Variants in MACROD2 observed in about 807,000 individuals in gnomAD.
The protein encoded by MACROD2 is mono-ADP ribosylhydrolase 2.
Under a neutral mutation model 70.4 loss-of-function variants are expected in MACROD2, and 36 were observed. That is an observed-to-expected ratio of 0.51 (90% CI 0.39 to 0.68). MACROD2 has a LOEUF of 0.68. Among genes scored for constraint, MACROD2 ranks in the 30% least tolerant of loss-of-function variants. MACROD2 has a pLI of 0.00. For missense variants in MACROD2, 496 were observed against 538.4 expected, an observed-to-expected ratio of 0.92 and a Z score of 0.78; for synonymous variants, 172 against 178.8, an observed-to-expected ratio of 0.96 and a Z score of 0.30.
At chr20:14,191,088 G>A (rs1368096821) in intron 3 of MACROD2, among the ~76,000 whole-genome samples, 2 of 151,334 alleles carry the variant, frequency 1.3e-5, no homozygotes, top group Non-Finnish European at 3.0e-5. Context: ...CATTACATTC[G>A]TGTGCATACT....
chr20:15,410,215 C>A (rs1252505098), intron 6 of MACROD2, among the ~76,000 whole-genome samples: 1 of 152,142 alleles, frequency 6.6e-6, no homozygotes, highest in African/African-American at 2.4e-5. Context: ...GAATAAAAGC[C>A]TTACTCCACC....
chr20:15,976,532 G>A (rs1235353765), intron 13 of MACROD2, among the ~76,000 whole-genome samples: 1 of 152,214 alleles, frequency 6.6e-6, no homozygotes, highest in African/African-American at 2.4e-5. Flanking sequence ...AAAGCAGGAT[G>A]GAATGTGAAA....
intron 6 of MACROD2, among the ~76,000 whole-genome samples, chr20:15,384,670 A>G (rs1355659151): frequency 6.6e-6 from 1 of 152,154 alleles, no homozygotes; most frequent in Admixed American, 6.6e-5. Context: ...CAGGGCACAT[A>G]CTTATGAAAA....
chr20:14,526,269 T>A (rs1271967257), intron 4 of MACROD2, among the ~76,000 whole-genome samples: 1 of 152,160 alleles, frequency 6.6e-6, no homozygotes, highest in African/African-American at 2.4e-5. Flanking sequence ...TTCTTTTTTT[T>A]ATTTTTCAAT....
rs564091362 is a variant in MACROD2, at chr20:14,563,702, G to T, written c.301+70194G>T. The stretch of plus-strand genomic sequence containing the variant: ...TTTCTATTTGGTTCTTTTTTTATAA[G>T]TTCTATTTCTTTTCAAATAAATTCT... On this transcript the variant is annotated intron_variant, in intron 4 of 17. Coordinates refer to ENST00000684519, the MANE Select transcript of MACROD2 (RefSeq NM_001351661.2). Among the ~76,000 whole-genome samples the T allele has an allele frequency of 1.4e-3, 219 of 151,860 alleles. 1 individual carries two copies. Among genetic ancestry groups the T allele is most frequent in the Middle Eastern group, 3.4e-3 (1 of 294 alleles).
intron 7 of MACROD2, among the ~76,000 whole-genome samples, chr20:15,480,227 T>G (rs1239764807): frequency 6.6e-6 from 1 of 152,198 alleles, no homozygotes; most frequent in Non-Finnish European, 1.5e-5. Context: ...AAAACCAATG[T>G]GTCTCATAAT....
intron 5 of MACROD2, among the ~76,000 whole-genome samples, chr20:14,715,681 C>G (rs2071389488): frequency 6.6e-6 from 1 of 152,104 alleles, no homozygotes. Flanking sequence ...GCTCTCTGAG[C>G]CCTGGGAGAA....
Position 14,071,709 on chromosome 20 carries a change from C to T in MACROD2, c.164-13912C>T, listed in dbSNP as rs138123759. Among the ~76,000 whole-genome samples the T allele has an allele frequency of 3.9e-3, 592 of 152,272 alleles. 2 individuals carry two copies. Among genetic ancestry groups the T allele is most frequent in the Middle Eastern group, 0.014 (4 of 294 alleles). ...TCTCTACCTCATAAAATGAATCAAT[C>T]TATCTCTAATGTGGCTTATTGATGC... On this transcript the variant is annotated intron_variant, in intron 2 of 17. Transcript: ENST00000684519.
intron 13 of MACROD2, among the ~76,000 whole-genome samples, chr20:15,985,219 C>A (rs6043654): frequency 1.3e-5 from 2 of 151,854 alleles, no homozygotes; most frequent in East Asian, 3.9e-4. Flanking sequence ...TTTGTTTTTT[C>A]TCCTGAGACA....
chr20:15,511,660 A>G lies in MACROD2; in HGVS notation c.645+11813A>G, dbSNP rs185959322. Among the ~76,000 whole-genome samples the G allele has an allele frequency of 6.4e-4, 97 of 152,346 alleles. 1 individual carries two copies. The highest frequency in any genetic ancestry group is 7.4e-5 in the Non-Finnish European group (5 of 68,024). ...AACTCAGCTGTATATATTTTGCAAC[A>G]TAAATGTTGCCTGTTTGTAACCAGC... On this transcript the variant is annotated intron_variant, in intron 8 of 17. Transcript: ENST00000684519.
intron 8 of MACROD2, among the ~76,000 whole-genome samples, chr20:15,744,799 T>C (rs918420685): frequency 6.6e-6 from 1 of 152,104 alleles, no homozygotes; most frequent in African/African-American, 2.4e-5. Flanking sequence ...GTGTGAATCC[T>C]TGGTTTGTGT....
At chr20:14,097,555 C>G (rs944145531) in intron 3 of MACROD2, among the ~76,000 whole-genome samples, 2 of 152,158 alleles carry the variant, frequency 1.3e-5, no homozygotes, top group African/African-American at 4.8e-5. Flanking sequence ...TTATAGAGGA[C>G]TTGGAGTCAG....
chr20:14,610,621 G>A (rs557870881), intron 4 of MACROD2, among the ~76,000 whole-genome samples: 122 of 152,106 alleles, frequency 8.0e-4, no homozygotes, highest in African/African-American at 2.9e-3. Flanking sequence ...TATTTGGGTT[G>A]AAATACATAT....
In MACROD2 at chr20:15,206,149, A is replaced by C. The variant is rs73258899; in HGVS notation, c.419-23791A>C. 6.9e-3 allele frequency among the ~76,000 whole-genome samples: 1,057 copies of C among 152,318 alleles called. 11 individuals carry two copies. Among genetic ancestry groups the C allele is most frequent in the African/African-American group, 0.024 (1,001 of 41,564 alleles). ...AAATGTTTGGTTCTTTTTTAAAAAA[A>C]CTTTCAAACTACGTGGTTTAGGTAT... is the stretch of plus-strand genomic sequence containing the variant. On this transcript the variant is annotated intron_variant, in intron 5 of 17. Coordinates refer to ENST00000684519, the MANE Select transcript of MACROD2 (RefSeq NM_001351661.2).
intron 3 of MACROD2, among the ~76,000 whole-genome samples, chr20:14,451,851 C>T (rs1405988254): frequency 6.6e-6 from 1 of 152,164 alleles, no homozygotes; most frequent in African/African-American, 2.4e-5. Context: ...ACAAAGGACA[C>T]TGACATTTCA....
chr20:14,306,570 A>T (rs2082522635), intron 3 of MACROD2, among the ~76,000 whole-genome samples: 1 of 152,136 alleles, frequency 6.6e-6, no homozygotes, highest in East Asian at 1.9e-4. Context: ...TCACAGTAAC[A>T]CAAATTTTAA....
At position 15,372,167 on chromosome 20, in the gene MACROD2, G is replaced by A. The variant is rs570879349; in HGVS notation, c.541-59238G>A. Reference sequence around the variant, plus strand: ...TAAAGTACTTTCCACTCACTCACTAGGTCAAGTAGCATAACAGGGAACATC... The same window carrying A: ...TAAAGTACTTTCCACTCACTCACTAAGTCAAGTAGCATAACAGGGAACATC... On this transcript the variant is annotated intron_variant, in intron 6 of 17. Coordinates refer to ENST00000684519, the MANE Select transcript of MACROD2 (RefSeq NM_001351661.2). 1.8e-4 allele frequency among the ~76,000 whole-genome samples: 28 copies of A among 152,242 alleles called. 1 individual carries two copies. The highest frequency in any genetic ancestry group is 3.4e-3 in the Middle Eastern group (1 of 292).
At chr20:16,001,013 A>C (rs2066701654) in intron 15 of MACROD2, among the ~76,000 whole-genome samples, 1 of 152,188 alleles carries the variant, frequency 6.6e-6, no homozygotes, top group South Asian at 2.1e-4. Flanking sequence ...CTGCATTTGG[A>C]TTTAGACTCA....
intron 5 of MACROD2, among the ~76,000 whole-genome samples, chr20:15,137,262 A>G (rs951096196): frequency 5.3e-5 from 8 of 151,936 alleles, no homozygotes; most frequent in Admixed American, 3.9e-4. Context: ...ATGCACACGT[A>G]TGTTTATTGC....
Sources: gnomAD v4.1 joint callset for allele counts (sites outside exome capture counted in the v4.1 genomes callset) on GRCh38, gnomAD v4.1.1 for gene constraint, MANE v1.5 for transcripts, NCBI Gene and HGNC (gene_info 2026-07-23, HGNC 2026-07-21) for gene names.